C16orf96: variants seen among roughly 807,000 people sequenced by gnomAD.
C16orf96 encodes the protein uncharacterized protein C16orf96.
Under a neutral mutation model 103.6 loss-of-function variants are expected in C16orf96, and 108 were observed. The ratio of observed to expected loss-of-function variants is 1.04; its 90% CI spans 0.89 to 1.22. The LOEUF is 1.22. C16orf96 is among the 50% of genes most tolerant of loss of function. The pLI is 0.00. For missense variants in C16orf96, 1,586 were observed against 1,464.2 expected (o/e 1.08, Z -1.36); for synonymous variants, 566 against 593.5 (o/e 0.95, Z 0.67).
the C16orf96 span, among the ~76,000 whole-genome samples, chr16:4,548,804 C>T: frequency 6.7e-6 from 1 of 148,442 alleles, no homozygotes; most frequent in Non-Finnish European, 1.5e-5. Flanking sequence ...ACCCGGGAGG[C>T]GGAGGTTGCA....
the C16orf96 span, among the ~76,000 whole-genome samples, chr16:4,540,289 C>T: frequency 5.3e-5 from 8 of 152,098 alleles, no homozygotes; most frequent in East Asian, 5.8e-4. Flanking sequence ...TCAGAGGAGG[C>T]GATGCTGAGG....
Position 4,578,973 on chromosome 16 carries a change from C to T in C16orf96, c.2189C>T (p.Thr730Ile), listed in dbSNP as rs1596528138. 2 of 1,551,416 alleles carry T rather than the reference C, an allele frequency of 1.3e-6. No homozygotes were observed. Among genetic ancestry groups the T allele is most frequent in the Non-Finnish European group, 8.7e-7 (1 of 1,146,924 alleles). The part of the protein sequence containing the change: ...NMGGPSSLGT[T>I]VDILQKKIGS... ...GGAGGTCCTTCCAGCCTCGGGACAACAGTGGACATATTGCAGAAAAAGATT... is the reference window on the plus strand; with the variant it reads ...GGAGGTCCTTCCAGCCTCGGGACAATAGTGGACATATTGCAGAAAAAGATT... Residue 730 changes from threonine (T) to isoleucine (I), a missense_variant, in exon 6 of 16, where the codon ACA becomes ATA. Thr to Ile is a moderately conservative substitution (Grantham distance 89, BLOSUM62 -1). Transcript: ENST00000444310.
chr16:4,539,556 G>A, the C16orf96 span, among the ~76,000 whole-genome samples: 103 of 152,142 alleles, frequency 6.8e-4, no homozygotes, highest in Non-Finnish European at 1.2e-3. Flanking sequence ...ATGGTGGCAC[G>A]CACCTGTAAT....
At chr16:4,599,070 G>T (rs946754355) in intron 14 of C16orf96, among the ~76,000 whole-genome samples, 1 of 151,010 alleles carries the variant, frequency 6.6e-6, no homozygotes, top group Admixed American at 6.6e-5. Context: ...GTGCGCTCCA[G>T]CCTAGGTGAC....
intron 2 of C16orf96, among the ~76,000 whole-genome samples, chr16:4,573,684 G>A (rs1486427810): frequency 6.8e-6 from 1 of 147,350 alleles, no homozygotes; most frequent in Non-Finnish European, 1.5e-5. Context: ...CCTGGGAAGT[G>A]GAGCTTGCAG....
intron 8 of C16orf96, 82 bp downstream of exon 8, chr16:4,587,195 T>G: frequency 1.5e-6 from 2 of 1,298,632 alleles, no homozygotes; most frequent in South Asian, 2.5e-5. Flanking sequence ...CACCAAAGAG[T>G]CTTCCAGAAT....
chr16:4,540,254 A>T, the C16orf96 span, among the ~76,000 whole-genome samples: 1 of 152,202 alleles, frequency 6.6e-6, no homozygotes, highest in African/African-American at 2.4e-5. Flanking sequence ...TGGTGCCACT[A>T]GACAGGTTGG....
At position 4,600,492 on chromosome 16, in the gene C16orf96, C is replaced by CCG. The variant is rs1555441335; in HGVS notation, c.*176_*177insGC. 2.1e-5 allele frequency: 10 copies of CCG among 472,808 alleles called. No individual in the cohort carries two copies. The highest frequency in any genetic ancestry group is 3.4e-5 in the Non-Finnish European group (9 of 262,390). The allele number at this position is 472,808 out of a possible 1,614,324, so 29.3% of individuals were successfully genotyped here. A position where few individuals can be genotyped will look rare whatever the true frequency, so the allele number is the denominator to read the frequency against. On this transcript the variant is annotated 3_prime_UTR_variant, in exon 16 of 16. Transcript: ENST00000444310. ...TGTCCGAGGCTGAGGCTCATGCGCC[C>CCG]CCCCCCATCCCTACCAAGTCCCCTC...
At position 4,556,949 on chromosome 16, in the gene C16orf96, A is replaced by C. The variant is rs747892463; in HGVS notation, c.420+40A>C. 4.0e-6 allele frequency: 6 copies of C among 1,496,924 alleles called. No individual in the cohort carries two copies. In the Admixed American group the frequency reaches 1.4e-4, roughly 35 times the overall value. 92.7% of individuals were successfully genotyped at this position (1,496,924 alleles called of 1,614,324 possible). A position where few individuals can be genotyped will look rare whatever the true frequency, so the allele number is the denominator to read the frequency against. ...TCCAGACACTTCTTTTCCTCCCTTC[A>C]CCACTGGCTCTCTCCTGGGACGTCT... On this transcript the variant is annotated intron_variant, in intron 1 of 15. Coordinates refer to ENST00000444310, the MANE Select transcript of C16orf96 (RefSeq NM_001145011.2).
chr16:4,578,994 A>G lies in C16orf96; in HGVS notation c.2210A>G (p.Lys737Arg), dbSNP rs763513522. 2 of 1,551,408 alleles carry G rather than the reference A, an allele frequency of 1.3e-6. No individual in the cohort carries two copies. The highest frequency in any genetic ancestry group is 1.2e-5 in the South Asian group (1 of 84,062). Residue 737 changes from lysine to arginine, a missense_variant, in exon 6 of 16, where the codon AAG becomes AGG. Coordinates refer to ENST00000444310, the MANE Select transcript of C16orf96 (RefSeq NM_001145011.2). ...LGTTVDILQK[K>R]IGSLQKSRLK... The stretch of plus-strand genomic sequence containing the variant: ...ACAACAGTGGACATATTGCAGAAAA[A>G]GATTGGCAGCCTCCAGAAATCTAGG...
chr16:4,594,372 C>G lies in C16orf96; in HGVS notation c.2889C>G (p.Leu963=). 6.4e-7 allele frequency: 1 copy of G among 1,550,550 alleles called. No homozygotes were observed. The highest frequency in any genetic ancestry group is 1.2e-5 in the South Asian group (1 of 84,058). ...QQMREQQWLQ[L]QDLGIQEDCQ... ...GCAGGGAACAGCAGTGGCTGCAGCTCCAGGACCTCGGTATCCAGGAGGATT... is the reference window on the plus strand; with the variant it reads ...GCAGGGAACAGCAGTGGCTGCAGCTGCAGGACCTCGGTATCCAGGAGGATT... The change falls in exon 13 of 16, where the codon CTC becomes CTG. Residue 963 remains leucine (L), a synonymous_variant. Transcript: ENST00000444310.
intron 1 of C16orf96, among the ~76,000 whole-genome samples, chr16:4,568,573 G>A (rs894241479): frequency 2.6e-5 from 4 of 151,412 alleles, no homozygotes. Flanking sequence ...GATTACAGGT[G>A]TAAGCCACTG....
chr16:4,575,254 C>A lies in C16orf96; in HGVS notation c.774C>A (p.Tyr258Ter). The change falls in exon 5 of 16, where the codon TAC becomes TAA. Residue 258 changes from tyrosine to a stop codon, truncating the protein, a stop_gained. Coordinates refer to ENST00000444310, the MANE Select transcript of C16orf96 (RefSeq NM_001145011.2). LOFTEE classifies it high-confidence loss of function. Reference sequence around the variant, plus strand: ...CTGCCCTGGCCCAGACCACCAAGTACCTTGAAGCTACTCGTGCCATCCAGG... The same window carrying A: ...CTGCCCTGGCCCAGACCACCAAGTAACTTGAAGCTACTCGTGCCATCCAGG... Reference protein sequence around the residue: ...PEAALAQTTKYLEATRAIQVS... With the variant: ...PEAALAQTTK 1 of 1,549,742 alleles carries A rather than the reference C, an allele frequency of 6.5e-7. No individual in the cohort carries two copies. The highest frequency in any genetic ancestry group is 1.4e-5 in the African/African-American group (1 of 73,164).
chr16:4,586,128 T>C (rs1239768760), intron 7 of C16orf96, among the ~76,000 whole-genome samples: 1 of 152,112 alleles, frequency 6.6e-6, no homozygotes, highest in East Asian at 1.9e-4. Flanking sequence ...GGCGTGGTGT[T>C]GGGTGTCAGT....
intron 7 of C16orf96, among the ~76,000 whole-genome samples, chr16:4,585,381 T>C (rs1182732493): frequency 1.3e-5 from 2 of 151,114 alleles, no homozygotes; most frequent in Non-Finnish European, 2.9e-5. Flanking sequence ...TGCTTGAGCC[T>C]GGAAGGCTGA....
At chr16:4,585,416 C>A (rs771508059) in intron 7 of C16orf96, among the ~76,000 whole-genome samples, 10 of 152,006 alleles carry the variant, frequency 6.6e-5, no homozygotes, top group African/African-American at 2.2e-4. Flanking sequence ...GTGATCAAGC[C>A]ACTTTACTCC....
chr16:4,571,590 T>C lies in C16orf96; in HGVS notation c.450T>C (p.Thr150=), dbSNP rs1428551340. ...KSMQTLQDLL[T]DLHALQVTIT... is the part of the protein sequence containing the mutation. ...TGCAGACCCTGCAGGACTTGCTCACTGATCTTCATGCACTCCAGGTCACCA... is the reference window on the plus strand; with the variant it reads ...TGCAGACCCTGCAGGACTTGCTCACCGATCTTCATGCACTCCAGGTCACCA... Residue 150 remains threonine (T), a synonymous_variant, in exon 2 of 16, where the codon ACT becomes ACC. Transcript: ENST00000444310. The C allele has an allele frequency of 6.4e-7, 1 of 1,552,302 alleles. No individual in the cohort carries two copies. The highest frequency in any genetic ancestry group is 2.0e-5 in the Admixed American group (1 of 51,006).
chr16:4,580,310 A>ACCCCCCCCCCCCCC (rs150403662), intron 7 of C16orf96, among the ~76,000 whole-genome samples, 185 bp downstream of exon 7: 7 of 104,584 alleles, frequency 6.7e-5, no homozygotes, highest in Admixed American at 1.2e-4. Flanking sequence ...GAATCCCACC[A>ACCCCCCCCCCCCCC]CCCCCCCCCA....
intron 7 of C16orf96, among the ~76,000 whole-genome samples, chr16:4,583,557 G>C (rs1896843126): frequency 6.6e-6 from 1 of 151,838 alleles, no homozygotes; most frequent in South Asian, 2.1e-4. Context: ...CCACACAAAT[G>C]GTTTGTATTA....
Sources: allele counts gnomAD v4.1 joint callset (sites outside exome capture counted in the v4.1 genomes callset), GRCh38; gene constraint gnomAD v4.1.1; transcripts MANE v1.5; gene names NCBI Gene and HGNC (gene_info 2026-07-23, HGNC 2026-07-21).